EEF1AKMT3: variants seen among roughly 807,000 people sequenced by gnomAD.
EEF1AKMT3 encodes the protein eEF1A-KMT3.
A neutral mutation model predicts 17.8 loss-of-function variants in EEF1AKMT3; 17 were observed. The ratio of observed to expected loss-of-function variants is 0.96; its 90% CI spans 0.65 to 1.43. The LOEUF is 1.43. EEF1AKMT3 is among the 40% of genes most tolerant of loss of function. The pLI, the probability that EEF1AKMT3 is intolerant of heterozygous loss-of-function variation, is 0.00. For missense variants in EEF1AKMT3, 244 were observed against 285.8 expected, an observed-to-expected ratio of 0.85 and a Z score of 1.06; for synonymous variants, 116 against 126.5, an observed-to-expected ratio of 0.92 and a Z score of 0.56.
intron 2 of EEF1AKMT3, among the ~76,000 whole-genome samples, chr12:57,774,245 C>G (rs1955465768): frequency 1.3e-5 from 2 of 152,200 alleles, no homozygotes; most frequent in African/African-American, 4.8e-5. Flanking sequence ...CTTTGGGAGG[C>G]CAAGGTGGGT....
At chr12:57,780,106 G>A in intron 2 of EEF1AKMT3, 149 bp from the exon 3 acceptor site, 1 of 800,324 alleles carries the variant, frequency 1.2e-6, no homozygotes, top group Non-Finnish European at 1.9e-6. Flanking sequence ...TGGGTGAAAT[G>A]GAGGTTGAGG....
chr12:57,774,804 C>A, intron 2 of EEF1AKMT3: 1 of 1,569,272 alleles, frequency 6.4e-7, no homozygotes, highest in Non-Finnish European at 8.7e-7. Context: ...ACAGCAGGCT[C>A]AGAAACACTG....
At chr12:57,775,194 T>G (rs182370680) in intron 2 of EEF1AKMT3, among the ~76,000 whole-genome samples, 33 of 149,848 alleles carry the variant, frequency 2.2e-4, no homozygotes, top group African/African-American at 7.9e-4. Context: ...CAGGCAGTTA[T>G]GCTAAAAAGG....
rs954317790 is a variant in EEF1AKMT3 at position 57,772,665 on chromosome 12, G to A, written c.-60G>A. ...GCTCGCGGCCCCCAGCCTCTACCCC[G>A]CTCCGGATCCGGGATCTGAGCGCCG... On this transcript the variant is annotated 5_prime_UTR_variant, in exon 1 of 3. Transcript: ENST00000300209. This position sits in a 1 kb window ranked among gnomAD's most constrained non-coding sequence, Gnocchi z 4.1. 33 of 1,530,358 alleles carry A rather than the reference G, an allele frequency of 2.2e-5. No homozygotes were observed. The highest frequency in any genetic ancestry group is 2.6e-5 in the Non-Finnish European group (30 of 1,138,578). The allele number at this position is 1,530,358 out of a possible 1,614,324, so 94.8% of individuals were successfully genotyped here.
Position 57,772,785 on chromosome 12 carries a change from G to A in EEF1AKMT3, c.61G>A (p.Gly21Arg), listed in dbSNP as rs766736653. ...GGAATCGGTGTTCCCGCGGGAGGTC[G>A]GGCTCTTTGCAGACTCTTACTCGGA... Reference protein sequence around the residue: ...ESESVFPREVGLFADSYSEKS... With the variant: ...ESESVFPREVRLFADSYSEKS... The change falls in exon 1 of 3, where the codon GGG (glycine) becomes AGG (arginine). Residue 21 changes from glycine (G) to arginine (R), a missense_variant. Coordinates refer to ENST00000300209, the MANE Select transcript of EEF1AKMT3 (RefSeq NM_015433.3). This position sits in a 1 kb window ranked among gnomAD's most constrained non-coding sequence, Gnocchi z 4.1. 1.1e-5 allele frequency: 17 copies of A among 1,614,032 alleles called. No homozygotes were observed. The African/African-American group carries it at 1.7e-4, about 16-fold the overall frequency.
At chr12:57,776,546 C>T (rs1307158635) in intron 2 of EEF1AKMT3, among the ~76,000 whole-genome samples, 9 of 152,236 alleles carry the variant, frequency 5.9e-5, no homozygotes, top group Admixed American at 5.9e-4. Context: ...TGCCACTCTC[C>T]TGAACAACTG....
intron 2 of EEF1AKMT3, among the ~76,000 whole-genome samples, chr12:57,779,211 C>A (rs1366801165): frequency 1.3e-5 from 2 of 152,104 alleles, no homozygotes; most frequent in Non-Finnish European, 2.9e-5. Context: ...TTGGTTGGTC[C>A]CTCTAACTTG....
At chr12:57,777,927 G>A (rs545943715) in intron 2 of EEF1AKMT3, among the ~76,000 whole-genome samples, 28 of 151,456 alleles carry the variant, frequency 1.8e-4, no homozygotes, top group African/African-American at 6.8e-4. Flanking sequence ...GCTGAGGCAG[G>A]AGAATTGCTT....
intron 2 of EEF1AKMT3, among the ~76,000 whole-genome samples, chr12:57,778,933 C>A (rs1213763533): frequency 1.3e-5 from 2 of 152,132 alleles, no homozygotes; most frequent in Non-Finnish European, 2.9e-5. Context: ...AATCTCGGCT[C>A]ATTGCAACCT....
At chr12:57,775,174 T>C (rs969280890) in intron 2 of EEF1AKMT3, among the ~76,000 whole-genome samples, 5 of 141,888 alleles carry the variant, frequency 3.5e-5, no homozygotes, top group African/African-American at 1.3e-4. Context: ...GCATGAAGCA[T>C]GGGTGGATGC....
chr12:57,781,962 G>A lies in EEF1AKMT3; in HGVS notation c.*1316G>A, dbSNP rs1020251454. 2 of 152,152 alleles carry A rather than the reference G, an allele frequency of 1.3e-5. No individual in the cohort carries two copies. Among genetic ancestry groups the A allele is most frequent in the Admixed American group, 6.6e-5 (1 of 15,256 alleles). The allele number at this position is 152,152 out of a possible 1,614,324, so 9.4% of individuals were successfully genotyped here. A position where few individuals can be genotyped will look rare whatever the true frequency, so the allele number is the denominator to read the frequency against. Reference sequence around the variant, plus strand: ...CTTGGTACTTAGTCTGTGTCCATGTGATCCAAAATTACCTTCCTATTGCAT... The same window carrying A: ...CTTGGTACTTAGTCTGTGTCCATGTAATCCAAAATTACCTTCCTATTGCAT... On this transcript the variant is annotated 3_prime_UTR_variant, in exon 3 of 3. Coordinates refer to ENST00000300209, the MANE Select transcript of EEF1AKMT3 (RefSeq NM_015433.3).
chr12:57,780,369 T>C lies in EEF1AKMT3; in HGVS notation c.404T>C (p.Ile135Thr), dbSNP rs768468796. 5.6e-6 allele frequency: 9 copies of C among 1,614,162 alleles called. No individual in the cohort carries two copies. Among genetic ancestry groups the C allele is most frequent in the Non-Finnish European group, 6.8e-6 (8 of 1,180,024 alleles). The change falls in exon 3 of 3, where the codon ATT becomes ACT. Residue 135 changes from isoleucine to threonine, a missense_variant. Transcript: ENST00000300209. ...QAQVRALSWG[I>T]DHHVFPANYD... Reference sequence around the variant, plus strand: ...CAGGTGCGTGCCTTGTCCTGGGGGATTGACCATCATGTCTTCCCTGCAAAC... The same window carrying C: ...CAGGTGCGTGCCTTGTCCTGGGGGACTGACCATCATGTCTTCCCTGCAAAC...
intron 2 of EEF1AKMT3, chr12:57,774,880 C>G (rs1222802446): frequency 9.7e-6 from 9 of 926,560 alleles, no homozygotes; most frequent in Non-Finnish European, 1.4e-5. Context: ...CCGAGGCAGG[C>G]GGATTACCTG....
intron 2 of EEF1AKMT3, 130 bp from the exon 3 acceptor site, chr12:57,780,125 A>G (rs1955502834): frequency 3.7e-6 from 4 of 1,090,886 alleles, no homozygotes; most frequent in Non-Finnish European, 5.2e-6. Context: ...GGCAACTAAA[A>G]GCCAGTGTGG....
rs758636293 is a variant in EEF1AKMT3 at position 57,780,284 on chromosome 12, C to T, written c.319C>T (p.Leu107=). ...GGDVTITDLP[L]ALEQIQGNVQ... is the part of the protein sequence containing the mutation. ...GGATGTTACCATCACTGACCTGCCC[C>T]TGGCCCTAGAACAGATCCAGGGCAA... is the stretch of plus-strand genomic sequence containing the variant. Residue 107 remains leucine, a synonymous_variant, in exon 3 of 3, where the codon CTG becomes TTG. Coordinates refer to ENST00000300209, the MANE Select transcript of EEF1AKMT3 (RefSeq NM_015433.3). The T allele has an allele frequency of 6.2e-7, 1 of 1,613,880 alleles. No individual in the cohort carries two copies. Among genetic ancestry groups the T allele is most frequent in the Non-Finnish European group, 8.5e-7 (1 of 1,179,960 alleles).
chr12:57,774,741 G>A, intron 2 of EEF1AKMT3: 3 of 1,611,560 alleles, frequency 1.9e-6, no homozygotes, highest in Non-Finnish European at 2.5e-6. Context: ...TGACTCCCTG[G>A]GAATCCATCA....
chr12:57,775,950 C>T (rs1955478244), intron 2 of EEF1AKMT3, among the ~76,000 whole-genome samples: 1 of 152,222 alleles, frequency 6.6e-6, no homozygotes, highest in Non-Finnish European at 1.5e-5. Context: ...TCTCCATTGA[C>T]AGCTCCCCAG....
intron 2 of EEF1AKMT3, among the ~76,000 whole-genome samples, chr12:57,773,811 G>C (rs1460341248): frequency 1.3e-5 from 2 of 152,140 alleles, no homozygotes. Context: ...GCACATATGG[G>C]GGTACTCTGT....
Position 57,782,539 on chromosome 12 carries a change from A to G in EEF1AKMT3, c.*1893A>G. 4.1e-6 allele frequency: 2 copies of G among 491,666 alleles called. No individual in the cohort carries two copies. The highest frequency in any genetic ancestry group is 7.4e-5 in the Admixed American group (2 of 27,006). The allele number at this position is 491,666 out of a possible 1,614,324, so 30.5% of individuals were successfully genotyped here. A position where few individuals can be genotyped will look rare whatever the true frequency, so the allele number is the denominator to read the frequency against. On this transcript the variant is annotated 3_prime_UTR_variant, in exon 3 of 3. Coordinates refer to ENST00000300209, the MANE Select transcript of EEF1AKMT3 (RefSeq NM_015433.3). ...TGAAAATAAACATAAAATGTTACCC[A>G]CATTTCTTGTGTTGTTGTTTTGTGA... is the stretch of plus-strand genomic sequence containing the variant.
Sources: allele counts gnomAD v4.1 joint callset (sites outside exome capture counted in the v4.1 genomes callset), GRCh38; gene constraint gnomAD v4.1.1; non-coding constraint Gnocchi (gnomAD v3.1); transcripts MANE v1.5; gene names NCBI Gene and HGNC (gene_info 2026-07-23, HGNC 2026-07-21).